Variants in RAD50 observed in about 807,000 individuals in gnomAD.
RAD50 encodes RAD50 double strand break repair protein.
Under a neutral mutation model 168.8 loss-of-function variants are expected in RAD50, and 132 were observed. The ratio of observed to expected loss-of-function variants is 0.78; its 90% CI spans 0.68 to 0.90. The LOEUF (loss-of-function observed/expected upper bound fraction) is 0.90, where lower values mean the gene tolerates loss of function less well. RAD50 is among the 40% of genes least tolerant of loss of function. The pLI, the probability that RAD50 is intolerant of heterozygous loss-of-function variation, is 0.00. For synonymous variants in RAD50, 525 were observed against 497.4 expected (o/e 1.06, Z -0.74); for missense variants, 1,347 against 1,534.4 (o/e 0.88, Z 2.04).
At position 132,606,942 on chromosome 5, in the gene RAD50, A is replaced by G. The variant is rs142497151; in HGVS notation, c.2719-1673A>G. Among the ~76,000 whole-genome samples the G allele has an allele frequency of 7.0e-3, 1,063 of 152,326 alleles. 16 individuals are homozygous for G. The highest frequency in any genetic ancestry group is 0.023 in the African/African-American group (973 of 41,580). On this transcript the variant is annotated intron_variant, in intron 16 of 24. Transcript: ENST00000378823. ...CACCGCTTCATGCTAAAAGCTCTCA[A>G]TAAACTAGGTATCGATGGAATGTAT...
chr5:132,596,053 A>C (rs1436595818), intron 13 of RAD50, among the ~76,000 whole-genome samples: 1 of 150,942 alleles, frequency 6.6e-6, no homozygotes, highest in African/African-American at 2.4e-5. Context: ...GCTGGAGTGC[A>C]GTGGCATGAT....
Position 132,605,014 on chromosome 5 carries a change from A to G in RAD50, c.2718+15A>G. 6.6e-7 allele frequency: 1 copy of G among 1,516,644 alleles called. No homozygotes were observed. The highest frequency in any genetic ancestry group is 9.0e-7 in the Non-Finnish European group (1 of 1,116,674). 93.9% of individuals were successfully genotyped at this position (1,516,644 alleles called of 1,614,324 possible). ...GAGAGATAAAGGTAAGAATATCCAT[A>G]CATGTTTTTTGTAAAATTATTTTAA... On this transcript the variant is annotated intron_variant, in intron 16 of 24. Transcript: ENST00000378823.
chr5:132,570,447 A>G (rs1022468381), intron 2 of RAD50, among the ~76,000 whole-genome samples: 6 of 152,248 alleles, frequency 3.9e-5, no homozygotes, highest in African/African-American at 1.4e-4. Context: ...ACCTTCATCA[A>G]TTACCTGAGC....
chr5:132,561,590 C>T (rs1340703158), intron 2 of RAD50, among the ~76,000 whole-genome samples: 1 of 152,180 alleles, frequency 6.6e-6, no homozygotes, highest in Non-Finnish European at 1.5e-5. Flanking sequence ...AGTCTAACGG[C>T]TTTAAGTACT....
intron 21 of RAD50, 108 bp downstream of exon 21, chr5:132,618,402 G>A: frequency 2.6e-6 from 4 of 1,509,942 alleles, no homozygotes; most frequent in Non-Finnish European, 3.5e-6. Flanking sequence ...TTTTGAGACA[G>A]AGTTTCACTC....
intron 5 of RAD50, among the ~76,000 whole-genome samples, chr5:132,583,724 A>C (rs535989380): frequency 9.1e-6 from 1 of 110,084 alleles, no homozygotes; most frequent in African/African-American, 3.6e-5. Flanking sequence ...ACGGAGTTTC[A>C]CTCTTATTGC....
At chr5:132,605,252 A>T (rs1279418991) in intron 16 of RAD50, among the ~76,000 whole-genome samples, 1 of 151,130 alleles carries the variant, frequency 6.6e-6, no homozygotes, top group Non-Finnish European at 1.5e-5. Flanking sequence ...GCCATTGGAC[A>T]AGCTGGTTTC....
intron 2 of RAD50, among the ~76,000 whole-genome samples, chr5:132,560,757 T>A (rs1379526820): frequency 6.6e-6 from 1 of 152,184 alleles, no homozygotes; most frequent in Non-Finnish European, 1.5e-5. Flanking sequence ...GGATCAGCAG[T>A]TTCTCTTGAT....
rs1160874427 is a variant in RAD50 at position 132,619,901 on chromosome 5, GAGAT to G, written c.3389+1609_3389+1612del. Among the ~76,000 whole-genome samples, 148 of 127,754 alleles carry G rather than the reference GAGAT, an allele frequency of 1.2e-3. 2 individuals carry two copies. The highest frequency in any genetic ancestry group is 3.6e-3 in the African/African-American group (96 of 26,556). 83.8% of individuals were successfully genotyped at this position (127,754 alleles called of 152,430 possible). On this transcript the variant is annotated intron_variant, in intron 21 of 24. Transcript: ENST00000378823. ...ATATATATATAGAGAGAGAGAGAGA[GAGAT>G]ATATCTTTTTTTTTTTTGAGACGGA...
At position 132,609,159 on chromosome 5, in the gene RAD50, A is replaced by G. The variant is rs570502111; in HGVS notation, c.2872A>G (p.Met958Val). Residue 958 changes from methionine (M) to valine (V), a missense_variant, in exon 18 of 25, where the codon ATG (methionine) becomes GTG (valine). Physicochemically the swap from Met to Val is conservative, Grantham distance 21. Transcript: ENST00000378823. ...KEKVKNIHGY[M>V]KDIENYIQDG... is the part of the protein sequence containing the mutation. ...GAAGGTTAAAAATATTCATGGCTAT[A>G]TGAAAGACATTGAGAATTATATTCA... 22 of 1,611,960 alleles carry G rather than the reference A, an allele frequency of 1.4e-5. No homozygotes were observed. In the South Asian group the frequency reaches 2.3e-4, roughly 17 times the overall value.
rs1045001815 is a variant in RAD50 at position 132,643,149 on chromosome 5, C to T, written c.*785C>T. ...ACTCCTCTGCGTCTATCCTGTGTAG[C>T]ATACTGGCTTCACCATCAATCCTGA... On this transcript the variant is annotated 3_prime_UTR_variant, in exon 25 of 25. Transcript: ENST00000378823. The T allele has an allele frequency of 1.0e-5, 5 of 479,182 alleles. No individual in the cohort carries two copies. Among genetic ancestry groups the T allele is most frequent in the African/African-American group, 5.8e-5 (3 of 52,150 alleles). 29.7% of individuals were successfully genotyped at this position (479,182 alleles called of 1,614,324 possible). A position where few individuals can be genotyped will look rare whatever the true frequency, so the allele number is the denominator to read the frequency against.
Position 132,605,005 on chromosome 5 carries a change from A to T in RAD50, c.2718+6A>T, listed in dbSNP as rs863224739. ...CTTTGTACAGAGAGATAAAGGTAAG[A>T]ATATCCATACATGTTTTTTGTAAAA... On this transcript the variant is annotated splice_donor_region_variant and intron_variant, in intron 16 of 24. Coordinates refer to ENST00000378823, the MANE Select transcript of RAD50 (RefSeq NM_005732.4). 21 of 1,575,096 alleles carry T rather than the reference A, an allele frequency of 1.3e-5. No homozygotes were observed. Among genetic ancestry groups the T allele is most frequent in the Non-Finnish European group, 1.8e-5 (21 of 1,148,720 alleles).
At chr5:132,569,615 A>C (rs1580981511) in intron 2 of RAD50, among the ~76,000 whole-genome samples, 1 of 152,240 alleles carries the variant, frequency 6.6e-6, no homozygotes, top group Non-Finnish European at 1.5e-5. Context: ...TTTTAACAAC[A>C]CTGTTAACCA....
rs1379179476 is a variant in RAD50, at chr5:132,619,811, TA to T, written c.3389+1518del. 7.0e-3 allele frequency among the ~76,000 whole-genome samples: 910 copies of T among 130,582 alleles called. 9 individuals carry two copies. Among genetic ancestry groups the T allele is most frequent in the African/African-American group, 0.03 (858 of 28,886 alleles). The allele number at this position is 130,582 out of a possible 152,430, so 85.7% of individuals were successfully genotyped here. A position where few individuals can be genotyped will look rare whatever the true frequency, so the allele number is the denominator to read the frequency against. On this transcript the variant is annotated intron_variant, in intron 21 of 24. Transcript: ENST00000378823. ...CTCTCTCTCTCTCTCTCTCTCTCTC[TA>T]CTCCTCTCTCTCTCTCTCTCTCTCT...
At chr5:132,575,106 C>T (rs1043377386) in intron 2 of RAD50, among the ~76,000 whole-genome samples, 3 of 152,202 alleles carry the variant, frequency 2.0e-5, no homozygotes, top group Non-Finnish European at 2.9e-5. Context: ...TACCAATTTA[C>T]TGTATGAGTC....
intron 21 of RAD50, among the ~76,000 whole-genome samples, chr5:132,633,126 A>T (rs1751507242): frequency 7.8e-6 from 1 of 128,196 alleles, no homozygotes; most frequent in Non-Finnish European, 1.6e-5. Context: ...TTTGAGACAG[A>T]GTCTAGCTCT....
chr5:132,618,755 C>T (rs1331453938), intron 21 of RAD50, among the ~76,000 whole-genome samples: 1 of 152,136 alleles, frequency 6.6e-6, no homozygotes. Flanking sequence ...TATGTAAACA[C>T]ACACTAGCTT....
At chr5:132,583,511 C>G (rs781450903) in intron 5 of RAD50, among the ~76,000 whole-genome samples, 8 of 152,054 alleles carry the variant, frequency 5.3e-5, no homozygotes, top group Non-Finnish European at 7.4e-5. Context: ...CCAAAAAGTT[C>G]TCTCAAAGTC....
chr5:132,596,534 A>T (rs1018595219), intron 13 of RAD50, among the ~76,000 whole-genome samples: 14 of 152,148 alleles, frequency 9.2e-5, no homozygotes, highest in Non-Finnish European at 1.9e-4. Context: ...ATCATAGATG[A>T]TTTTCGGTTG....
Sources: allele counts gnomAD v4.1 joint callset (sites outside exome capture counted in the v4.1 genomes callset), GRCh38; gene constraint gnomAD v4.1.1; transcripts MANE v1.5; gene names NCBI Gene and HGNC (gene_info 2026-07-23, HGNC 2026-07-21).